Variants in KIAA1549L observed in about 807,000 individuals in gnomAD.
The protein encoded by KIAA1549L is KIAA1549 like.
KIAA1549L carries 88 observed loss-of-function variants against 160.7 expected under a neutral mutation model. The observed-to-expected ratio is 0.55, with a 90% CI of 0.46 to 0.65. The LOEUF is 0.65. Ranked by LOEUF, KIAA1549L falls within the 30% of genes least tolerant of loss-of-function variation. The pLI, the probability that KIAA1549L is intolerant of heterozygous loss-of-function variation, is 0.00. For synonymous variants in KIAA1549L, 950 were observed against 976.7 expected, an observed-to-expected ratio of 0.97 and a Z score of 0.51; for missense variants, 2,258 against 2,437.5, an observed-to-expected ratio of 0.93 and a Z score of 1.55.
At chr11:33,621,954 C>G (rs567576791) in intron 16 of KIAA1549L, among the ~76,000 whole-genome samples, 50 of 152,290 alleles carry the variant, frequency 3.3e-4, no homozygotes, top group African/African-American at 1.2e-3. Flanking sequence ...GAAGTAGGGA[C>G]TTTTACAAAC....
At chr11:33,606,333 G>A (rs1360355758) in intron 13 of KIAA1549L, among the ~76,000 whole-genome samples, 1 of 152,152 alleles carries the variant, frequency 6.6e-6, no homozygotes, top group Non-Finnish European at 1.5e-5. Context: ...AGAGAAAGAA[G>A]TTACTTTTTA....
rs749797497 is a variant in KIAA1549L, at chr11:33,580,803, CTAAA to C, written c.4403-2527_4403-2524del. Among the ~76,000 whole-genome samples, 59 of 152,042 alleles carry C rather than the reference CTAAA, an allele frequency of 3.9e-4. 1 individual carries two copies. Among genetic ancestry groups the C allele is most frequent in the Non-Finnish European group, 6.5e-4 (44 of 68,006 alleles). On this transcript the variant is annotated intron_variant, in intron 10 of 20. Coordinates refer to ENST00000658780, the MANE Select transcript of KIAA1549L (RefSeq NM_012194.3). ...TTCTAGGGTGGGCAGATCAAAGAAA[CTAAA>C]TAAATAAGTAACATGTTTGACGCTA...
intron 1 of KIAA1549L, among the ~76,000 whole-genome samples, chr11:33,475,244 G>A (rs956286873): frequency 7.9e-5 from 12 of 152,100 alleles, no homozygotes; most frequent in Non-Finnish European, 1.0e-4. Flanking sequence ...TACTGTGGCT[G>A]CTAGTGTATG....
chr11:33,464,535 C>T (rs1366933297), intron 1 of KIAA1549L, among the ~76,000 whole-genome samples: 1 of 146,996 alleles, frequency 6.8e-6, no homozygotes, highest in Non-Finnish European at 1.5e-5. Flanking sequence ...CCCCCCCCCA[C>T]ACACGCATTT....
intron 16 of KIAA1549L, among the ~76,000 whole-genome samples, chr11:33,632,490 C>T (rs562594486): frequency 6.6e-6 from 1 of 152,180 alleles, no homozygotes; most frequent in Admixed American, 6.5e-5. Flanking sequence ...AGCTAGCCCC[C>T]CTGGCTGAAA....
chr11:33,393,003 C>A (rs1190960773), intron 1 of KIAA1549L, among the ~76,000 whole-genome samples: 1 of 152,160 alleles, frequency 6.6e-6, no homozygotes, highest in Admixed American at 6.5e-5. Flanking sequence ...TAGTCTTGTC[C>A]CCCTTTAAAC....
intron 20 of KIAA1549L, among the ~76,000 whole-genome samples, chr11:33,667,090 A>C (rs1852484118): frequency 6.6e-6 from 1 of 152,192 alleles, no homozygotes; most frequent in Admixed American, 6.5e-5. Flanking sequence ...CCAGCTACTC[A>C]GGAGGCTGAG....
intron 16 of KIAA1549L, among the ~76,000 whole-genome samples, chr11:33,635,603 G>C (rs1040606286): frequency 6.6e-6 from 1 of 152,096 alleles, no homozygotes; most frequent in East Asian, 1.9e-4. Flanking sequence ...ACTTCGGGGC[G>C]CCTAACTCAA....
At chr11:33,616,941 C>G (rs991055015) in intron 15 of KIAA1549L, among the ~76,000 whole-genome samples, 6 of 152,006 alleles carry the variant, frequency 3.9e-5, no homozygotes, top group African/African-American at 1.4e-4. Context: ...GAATTCGAGA[C>G]CAGCCTGGGC....
At chr11:33,471,394 A>T (rs1186772441) in intron 1 of KIAA1549L, among the ~76,000 whole-genome samples, 2 of 152,140 alleles carry the variant, frequency 1.3e-5, no homozygotes, top group Admixed American at 1.3e-4. Context: ...GCATTTTGCA[A>T]CATTGGTAAA....
At chr11:33,629,766 C>T (rs1279848789) in intron 16 of KIAA1549L, among the ~76,000 whole-genome samples, 2 of 150,890 alleles carry the variant, frequency 1.3e-5, no homozygotes, top group Non-Finnish European at 2.9e-5. Context: ...ATTTGATCGT[C>T]TGAAGCCTTC....
chr11:33,564,960 G>A (rs778787694), intron 8 of KIAA1549L, among the ~76,000 whole-genome samples: 4 of 152,204 alleles, frequency 2.6e-5, no homozygotes, highest in Non-Finnish European at 4.4e-5. Context: ...AGAGAACAGC[G>A]ATGTGAAGGT....
intron 3 of KIAA1549L, among the ~76,000 whole-genome samples, chr11:33,546,429 C>T (rs1029970925): frequency 2.0e-5 from 3 of 152,024 alleles, no homozygotes; most frequent in East Asian, 1.9e-4. Flanking sequence ...TCTTCCCAGC[C>T]CCCCCACCAA....
intron 1 of KIAA1549L, among the ~76,000 whole-genome samples, chr11:33,493,163 A>G (rs1401533583): frequency 6.6e-6 from 1 of 152,030 alleles, no homozygotes; most frequent in African/African-American, 2.4e-5. Context: ...TGTGGTTTGA[A>G]TGTGTCTCCC....
chr11:33,465,209 A>G (rs1472380988), intron 1 of KIAA1549L, among the ~76,000 whole-genome samples: 2 of 151,642 alleles, frequency 1.3e-5, no homozygotes, highest in African/African-American at 4.8e-5. Context: ...GGCTCACGCC[A>G]CCATGCCTTG....
chr11:33,648,938 A>G (rs1189823015), intron 17 of KIAA1549L, among the ~76,000 whole-genome samples: 1 of 152,240 alleles, frequency 6.6e-6, no homozygotes, highest in Non-Finnish European at 1.5e-5. Flanking sequence ...TACTGGACAC[A>G]GCTAAGTGCT....
chr11:33,568,052 C>T (rs371341675), intron 8 of KIAA1549L, 24 bp from the exon 9 acceptor site: 2 of 1,582,510 alleles, frequency 1.3e-6, no homozygotes, highest in African/African-American at 2.7e-5. Flanking sequence ...TTCTGAGCCT[C>T]TGCTCTGCCT....
intron 1 of KIAA1549L, among the ~76,000 whole-genome samples, chr11:33,387,377 C>T (rs918667360): frequency 1.3e-5 from 2 of 152,030 alleles, no homozygotes; most frequent in Non-Finnish European, 2.9e-5. Flanking sequence ...ACAGTCTCGG[C>T]TCACTGCAAT....
intron 12 of KIAA1549L, among the ~76,000 whole-genome samples, chr11:33,593,751 G>A (rs2133292549): frequency 6.6e-6 from 1 of 152,312 alleles, no homozygotes; most frequent in Non-Finnish European, 1.5e-5. Flanking sequence ...AAGAGTTTGA[G>A]TGTGGACATG....
Sources: allele counts gnomAD v4.1 joint callset (sites outside exome capture counted in the v4.1 genomes callset), GRCh38; gene constraint gnomAD v4.1.1; transcripts MANE v1.5; gene names NCBI Gene and HGNC (gene_info 2026-07-23, HGNC 2026-07-21).